The following THSD7B variants were observed in gnomAD, a reference collection of about 807,000 sequenced individuals.
THSD7B encodes thrombospondin type 1 domain containing 7B, also known as thrombospondin type-1 domain-containing protein 7B.
Under a neutral mutation model 213.6 loss-of-function variants are expected in THSD7B, and 138 were observed. The observed-to-expected ratio is 0.65, with a 90% CI of 0.56 to 0.74. THSD7B has a LOEUF of 0.74. THSD7B is among the 30% of genes least tolerant of loss of function. THSD7B has a pLI of 0.00. For synonymous variants in THSD7B, 742 were observed against 687.0 expected, an observed-to-expected ratio of 1.08 and a Z score of -1.25; for missense variants, 1,931 against 1,991.5, an observed-to-expected ratio of 0.97 and a Z score of 0.58.
At chr2:137,675,407 T>C (rs1683676279) in intron 27 of THSD7B, among the ~76,000 whole-genome samples, 1 of 9,798 alleles carries the variant, frequency 1.0e-4, no homozygotes, top group African/African-American at 3.5e-4. Flanking sequence ...GAATGCCATA[T>C]ATATATATAT....
intron 2 of THSD7B, among the ~76,000 whole-genome samples, chr2:137,035,821 A>G (rs910077806): frequency 6.6e-6 from 1 of 152,192 alleles, no homozygotes; most frequent in Non-Finnish European, 1.5e-5. Context: ...TCCCATAACT[A>G]TAATGTTTTA....
intron 2 of THSD7B, among the ~76,000 whole-genome samples, chr2:136,908,375 C>A (rs1026261695): frequency 4.6e-5 from 7 of 152,112 alleles, no homozygotes; most frequent in Non-Finnish European, 1.0e-4. Flanking sequence ...AGATTATCAT[C>A]CATATATTAC....
At chr2:137,413,593 G>A (rs56071838) in intron 14 of THSD7B, among the ~76,000 whole-genome samples, 12,892 of 152,212 alleles carry the variant, frequency 0.085, 1,169 homozygotes, top group African/African-American at 0.22. Flanking sequence ...GTTTTAGTTA[G>A]TGGGGTGTCC....
intron 9 of THSD7B, among the ~76,000 whole-genome samples, chr2:137,235,791 C>T (rs2105058909): frequency 6.6e-6 from 1 of 152,282 alleles, no homozygotes; most frequent in African/African-American, 2.4e-5. Context: ...TTTACCAACA[C>T]AGAAAAATCA....
At chr2:137,573,471 A>G (rs1681398979) in intron 17 of THSD7B, among the ~76,000 whole-genome samples, 1 of 152,050 alleles carries the variant, frequency 6.6e-6, no homozygotes, top group African/African-American at 2.4e-5. Flanking sequence ...GTATAATTCT[A>G]TTCCTGAAAG....
At chr2:137,250,574 T>G (rs1573911902) in intron 10 of THSD7B, among the ~76,000 whole-genome samples, 1 of 152,164 alleles carries the variant, frequency 6.6e-6, no homozygotes, top group Non-Finnish European at 1.5e-5. Context: ...AATCCTAAGC[T>G]CTTAACCACT....
In THSD7B at chr2:137,667,847, T is replaced by C; in HGVS notation, c.4725T>C (p.Thr1575=). 6.3e-7 allele frequency: 1 copy of C among 1,594,080 alleles called. No homozygotes were observed. Among genetic ancestry groups the C allele is most frequent in the Non-Finnish European group, 8.6e-7 (1 of 1,168,966 alleles). ...TCATCATGATTTTCCTAATATTTAC[T>C]TCCTACCTTGTTTGGTAAGTACTAA... ...AFLIMIFLIF[T]SYLVCKKPKP... The change falls in exon 27 of 28, where the codon ACT becomes ACC. Residue 1575 remains threonine (T), a synonymous_variant. Coordinates refer to ENST00000409968, the MANE Select transcript of THSD7B (RefSeq NM_001316349.2).
At chr2:137,078,122 G>T (rs1339472312) in intron 3 of THSD7B, among the ~76,000 whole-genome samples, 1 of 152,198 alleles carries the variant, frequency 6.6e-6, no homozygotes, top group Admixed American at 6.5e-5. Flanking sequence ...GTTTGTCAAA[G>T]ATCAGATAGT....
At chr2:136,816,885 A>G (rs1682482446) in intron 1 of THSD7B, among the ~76,000 whole-genome samples, 1 of 152,158 alleles carries the variant, frequency 6.6e-6, no homozygotes, top group East Asian at 1.9e-4. Flanking sequence ...TCTATGGGGT[A>G]TTGCTGGTGT....
intron 2 of THSD7B, among the ~76,000 whole-genome samples, chr2:136,977,649 C>T (rs539475528): frequency 1.6e-3 from 245 of 152,150 alleles, no homozygotes; most frequent in African/African-American, 5.7e-3. Flanking sequence ...CTCAGAGATT[C>T]GAGTTTGTTG....
rs917489677 is a variant in THSD7B, at chr2:137,310,928, T to A, written c.2500+34902T>A. 3.3e-4 allele frequency among the ~76,000 whole-genome samples: 50 copies of A among 152,086 alleles called. 1 individual carries two copies. Among genetic ancestry groups the A allele is most frequent in the Non-Finnish European group, 6.6e-4 (45 of 68,010 alleles). ...TGTAGCCTTGTAGTATAGTTTGAAG[T>A]CAGGTAGTGTGATGCCTCCAGCTTT... On this transcript the variant is annotated intron_variant, in intron 12 of 27. Transcript: ENST00000409968.
Position 137,311,905 on chromosome 2 carries a change from T to G in THSD7B, c.2500+35879T>G, listed in dbSNP as rs546291639. Among the ~76,000 whole-genome samples, 403 of 140,494 alleles carry G rather than the reference T, an allele frequency of 2.9e-3. 3 individuals carry two copies. Among genetic ancestry groups the G allele is most frequent in the African/African-American group, 8.5e-3 (319 of 37,370 alleles). 92.2% of individuals were successfully genotyped at this position (140,494 alleles called of 152,430 possible). A position where few individuals can be genotyped will look rare whatever the true frequency, so the allele number is the denominator to read the frequency against. ...TTTTGATGTGCTGCTGGATTTGGTT[T>G]GCCAGTATTTTATTGAGGATTTTTG... On this transcript the variant is annotated intron_variant, in intron 12 of 27. Coordinates refer to ENST00000409968, the MANE Select transcript of THSD7B (RefSeq NM_001316349.2).
intron 17 of THSD7B, among the ~76,000 whole-genome samples, chr2:137,611,756 G>T (rs1439822551): frequency 6.6e-6 from 1 of 152,068 alleles, no homozygotes; most frequent in Non-Finnish European, 1.5e-5. Context: ...CTTTCTCAGA[G>T]GCAACTTAGT....
intron 2 of THSD7B, among the ~76,000 whole-genome samples, chr2:136,996,431 C>T (rs541589288): frequency 6.6e-6 from 1 of 151,926 alleles, no homozygotes; most frequent in Non-Finnish European, 1.5e-5. Flanking sequence ...AGCCTGAAAC[C>T]CCCAGGCTCA....
intron 2 of THSD7B, among the ~76,000 whole-genome samples, chr2:137,032,259 G>A (rs1686690168): frequency 6.6e-6 from 1 of 152,094 alleles, no homozygotes; most frequent in Non-Finnish European, 1.5e-5. Context: ...GCCGTTTAGT[G>A]TTGATATTTG....
intron 12 of THSD7B, among the ~76,000 whole-genome samples, chr2:137,287,797 A>T (rs1257255576): frequency 1.3e-5 from 2 of 152,068 alleles, no homozygotes; most frequent in East Asian, 1.9e-4. Context: ...AATTTTTTTT[A>T]AATTGGTGAA....
chr2:137,651,299 G>T (rs1487892566), intron 21 of THSD7B, among the ~76,000 whole-genome samples: 5 of 151,832 alleles, frequency 3.3e-5, no homozygotes, highest in Non-Finnish European at 7.4e-5. Context: ...GTTCAATCTT[G>T]ATAGGTTGTG....
At chr2:137,099,942 A>G (rs1173189345) in intron 4 of THSD7B, among the ~76,000 whole-genome samples, 1 of 152,096 alleles carries the variant, frequency 6.6e-6, no homozygotes, top group Non-Finnish European at 1.5e-5. Flanking sequence ...TGCATGGACT[A>G]GAGATCCTTT....
intron 12 of THSD7B, among the ~76,000 whole-genome samples, chr2:137,314,174 A>C (rs990238609): frequency 1.3e-5 from 2 of 152,082 alleles, no homozygotes; most frequent in African/African-American, 4.8e-5. Context: ...CTTTTCATAT[A>C]GTCCCATATT....
Sources: allele counts gnomAD v4.1 joint callset (sites outside exome capture counted in the v4.1 genomes callset), GRCh38; gene constraint gnomAD v4.1.1; transcripts MANE v1.5; gene names NCBI Gene and HGNC (gene_info 2026-07-23, HGNC 2026-07-21).